SDK1: variants seen among roughly 807,000 people sequenced by gnomAD.
The protein encoded by SDK1 is protein sidekick-1.
In SDK1, 157 loss-of-function variants were observed where a neutral mutation model predicts 245.5. The ratio of observed to expected loss-of-function variants is 0.64; its 90% CI spans 0.56 to 0.73. SDK1 has a LOEUF of 0.73. Among genes scored for constraint, SDK1 ranks in the 30% least tolerant of loss-of-function variants. SDK1 has a pLI of 0.00. For missense variants in SDK1, 3,583 were observed against 3,002.3 expected (o/e 1.19, Z -4.52); for synonymous variants, 1,647 against 1,278.5 (o/e 1.29, Z -6.15).
rs144959988 is a variant in SDK1, at chr7:4,124,892, G to GTGGATGGA, written c.3824-2469_3824-2462dup. Among the ~76,000 whole-genome samples the GTGGATGGA allele has an allele frequency of 3.4e-3, 508 of 150,454 alleles. 3 individuals carry two copies. The highest frequency in any genetic ancestry group is 9.6e-3 in the African/African-American group (391 of 40,926). ...GGGTGGATGGTAGATGAATGGATGG[G>GTGGATGGA]TGGATGGATGGATGGATGGATGGAT... is the stretch of plus-strand genomic sequence containing the variant. On this transcript the variant is annotated intron_variant, in intron 25 of 44. Transcript: ENST00000404826.
In SDK1 at chr7:3,390,784, G is replaced by C. The variant is rs1583787367; in HGVS notation, c.298+88900G>C. On this transcript the variant is annotated intron_variant, in intron 1 of 44. Transcript: ENST00000404826. ...TTTGAGCCCTCAGGAAGGAACCAAA[G>C]CTACTGAAACTTGATCTTGGACTTC... 2.0e-5 allele frequency among the ~76,000 whole-genome samples: 3 copies of C among 152,300 alleles called. No individual in the cohort carries two copies. The South Asian group carries it at 6.2e-4, about 32-fold the overall frequency.
At chr7:4,169,316 C>T (rs530801026) in intron 32 of SDK1, among the ~76,000 whole-genome samples, 12 of 152,332 alleles carry the variant, frequency 7.9e-5, no homozygotes, top group Admixed American at 3.9e-4. Context: ...TGGGCTAGTC[C>T]TGGCTCAGGC....
chr7:3,642,900 C>T (rs975968365), intron 4 of SDK1: 2 of 152,222 alleles, frequency 1.3e-5, no homozygotes, highest in Non-Finnish European at 2.9e-5. Context: ...TTTATGCCAT[C>T]CAGTGGTTGC....
intron 19 of SDK1, among the ~76,000 whole-genome samples, chr7:4,061,381 A>G (rs969974691): frequency 2.0e-5 from 3 of 152,182 alleles, no homozygotes; most frequent in Admixed American, 2.0e-4. Flanking sequence ...ACATGAAAAA[A>G]TGCTCACCAT....
intron 1 of SDK1, among the ~76,000 whole-genome samples, chr7:3,421,774 A>G (rs1312647299): frequency 6.6e-6 from 1 of 152,138 alleles, no homozygotes; most frequent in Non-Finnish European, 1.5e-5. Flanking sequence ...TAGAGATGAC[A>G]TTTAGAGTAC....
chr7:3,474,167 A>T (rs1781275321), intron 1 of SDK1, among the ~76,000 whole-genome samples: 2 of 126,354 alleles, frequency 1.6e-5, no homozygotes, highest in African/African-American at 6.2e-5. Context: ...CGGTGGCTCA[A>T]TCTCGGCTCA....
At chr7:4,164,211 C>G (rs1000593942) in intron 32 of SDK1, among the ~76,000 whole-genome samples, 6 of 152,232 alleles carry the variant, frequency 3.9e-5, no homozygotes, top group African/African-American at 1.2e-4. Flanking sequence ...ACCTCTGCCC[C>G]TGGGAAGCCA....
At chr7:3,586,048 T>C (rs1445033743) in intron 1 of SDK1, among the ~76,000 whole-genome samples, 1 of 152,128 alleles carries the variant, frequency 6.6e-6, no homozygotes, top group African/African-American at 2.4e-5. Context: ...CTGTGCTAAG[T>C]AAAGGAAGAG....
At chr7:3,653,109 T>C (rs1182516863) in intron 4 of SDK1, among the ~76,000 whole-genome samples, 1 of 152,310 alleles carries the variant, frequency 6.6e-6, no homozygotes, top group African/African-American at 2.4e-5. Context: ...CTTAAACTTG[T>C]GTGGGGTGAG....
chr7:3,693,249 A>G (rs1218125819), intron 4 of SDK1, among the ~76,000 whole-genome samples: 1 of 152,090 alleles, frequency 6.6e-6, no homozygotes, highest in Non-Finnish European at 1.5e-5. Flanking sequence ...GTTCTTTTGT[A>G]AACCTGTTTT....
At chr7:3,863,029 C>T (rs1172161096) in intron 5 of SDK1, among the ~76,000 whole-genome samples, 1 of 152,174 alleles carries the variant, frequency 6.6e-6, no homozygotes, top group African/African-American at 2.4e-5. Context: ...CTGTGCATCC[C>T]AGTTCCTAAG....
At chr7:3,705,298 T>G (rs1317461998) in intron 4 of SDK1, among the ~76,000 whole-genome samples, 1 of 152,070 alleles carries the variant, frequency 6.6e-6, no homozygotes, top group Admixed American at 6.5e-5. Context: ...ATTTTCATGA[T>G]ACTGATTCTT....
intron 1 of SDK1, among the ~76,000 whole-genome samples, chr7:3,477,242 C>T (rs1207483237): frequency 2.5e-5 from 3 of 118,004 alleles, no homozygotes; most frequent in Admixed American, 2.4e-4. Flanking sequence ...GTCGCTCAGG[C>T]TGGAGTGCAG....
chr7:3,720,766 A>T (rs895497203), intron 4 of SDK1, among the ~76,000 whole-genome samples: 3 of 152,220 alleles, frequency 2.0e-5, no homozygotes, highest in African/African-American at 7.2e-5. Flanking sequence ...CAGAGAATGA[A>T]AACTACGTTC....
chr7:3,431,599 T>G (rs925511608), intron 1 of SDK1, among the ~76,000 whole-genome samples: 1 of 152,064 alleles, frequency 6.6e-6, no homozygotes, highest in African/African-American at 2.4e-5. Flanking sequence ...AAGTGGTGAG[T>G]GGGAGAATCA....
chr7:4,264,831 C>G (rs1583206897), intron 44 of SDK1, among the ~76,000 whole-genome samples: 1 of 152,174 alleles, frequency 6.6e-6, no homozygotes, highest in South Asian at 2.1e-4. Context: ...CTGCATAGAC[C>G]TCTCCTGGGT....
intron 17 of SDK1, among the ~76,000 whole-genome samples, chr7:4,038,482 A>G (rs1016651872): frequency 6.6e-6 from 1 of 152,164 alleles, no homozygotes; most frequent in African/African-American, 2.4e-5. Flanking sequence ...GCACTTATCA[A>G]TCTGCAGTGG....
chr7:3,828,464 A>T lies in SDK1; in HGVS notation c.847+6881A>T, dbSNP rs777967927. Among the ~76,000 whole-genome samples, 12 of 151,988 alleles carry T rather than the reference A, an allele frequency of 7.9e-5. No homozygotes were observed. The Middle Eastern group carries it at 0.014, about 172-fold the overall frequency. ...AGAATTAAACTTTATTCCTCATGTC[A>T]TTGAGAGATGCATTTCTAGTTTTTT... On this transcript the variant is annotated intron_variant, in intron 5 of 44. Transcript: ENST00000404826.
intron 13 of SDK1, chr7:3,974,760 A>G (rs1782777643): frequency 3.8e-6 from 2 of 521,742 alleles, no homozygotes; most frequent in South Asian, 2.8e-5. Flanking sequence ...TTTGGTGTAG[A>G]TGGTGTGATC....
Sources: allele counts gnomAD v4.1 joint callset (sites outside exome capture counted in the v4.1 genomes callset), GRCh38; gene constraint gnomAD v4.1.1; transcripts MANE v1.5; gene names NCBI Gene and HGNC (gene_info 2026-07-23, HGNC 2026-07-21).